The following DLG1 variants were observed in gnomAD, a reference collection of about 807,000 sequenced individuals.
The protein encoded by DLG1 is disks large homolog 1.
A neutral mutation model predicts 123.4 loss-of-function variants in DLG1; 42 were observed. That is an observed-to-expected ratio of 0.34 (90% CI 0.27 to 0.44). The LOEUF (loss-of-function observed/expected upper bound fraction) is 0.44, where lower values mean the gene tolerates loss of function less well. Among genes scored for constraint, DLG1 ranks in the 20% least tolerant of loss-of-function variants. The probability of loss-of-function intolerance (pLI) is 1.00; values close to 1 mark genes in which losing one functional copy is unlikely to be tolerated. For missense variants in DLG1, 942 were observed against 1,082.6 expected (o/e 0.87, Z 1.82); for synonymous variants, 317 against 356.2 (o/e 0.89, Z 1.24).
rs773807571 is a variant in DLG1 at position 197,119,516 on chromosome 3, C to T, written c.1180G>A (p.Val394Ile). The T allele has an allele frequency of 6.2e-7, 1 of 1,608,454 alleles. No individual in the cohort carries two copies. The highest frequency in any genetic ancestry group is 1.1e-5 in the South Asian group (1 of 90,516). Reference protein sequence around the residue: ...PDITNSSSQPVDNHVSPSSFL... With the variant: ...PDITNSSSQPIDNHVSPSSFL... ...GAAGATGGGCTAACATGGTTATCAA[C>T]AGGCTGAGAAGAAGCTTCAAAATAA... The change falls in exon 12 of 25, where the codon GTT (valine) becomes ATT (isoleucine). Residue 394 changes from valine to isoleucine, a missense_variant. Transcript: ENST00000667157.
At chr3:197,094,908 T>C (rs1759775895) in intron 14 of DLG1, among the ~76,000 whole-genome samples, 1 of 152,212 alleles carries the variant, frequency 6.6e-6, no homozygotes, top group Non-Finnish European at 1.5e-5. Flanking sequence ...GAATTCCAGA[T>C]ATTTTTTTCC....
chr3:197,114,585 C>G (rs558119440), intron 13 of DLG1, among the ~76,000 whole-genome samples: 8 of 152,338 alleles, frequency 5.3e-5, no homozygotes, highest in African/African-American at 1.7e-4. Context: ...AAATCAAGGG[C>G]TTGCACACTA....
At chr3:197,265,267 A>G (rs988306274) in intron 4 of DLG1, among the ~76,000 whole-genome samples, 3 of 152,256 alleles carry the variant, frequency 2.0e-5, no homozygotes, top group Non-Finnish European at 4.4e-5. Flanking sequence ...AAGATAATTA[A>G]CAGTATTTTA....
intron 23 of DLG1, among the ~76,000 whole-genome samples, 174 bp from the exon 24 acceptor site, chr3:197,051,842 T>A (rs1274251809): frequency 7.3e-6 from 1 of 136,816 alleles, no homozygotes; most frequent in Non-Finnish European, 1.6e-5. Flanking sequence ...AATTTTTTTT[T>A]TTTTTTTTTT....
At chr3:197,069,008 A>AC (rs57032552) in intron 19 of DLG1, among the ~76,000 whole-genome samples, 2 of 151,712 alleles carry the variant, frequency 1.3e-5, no homozygotes, top group African/African-American at 4.8e-5. Context: ...CACAAATAAT[A>AC]TTTTTATTTT....
intron 13 of DLG1, 58 bp downstream of exon 13, chr3:197,115,869 C>T: frequency 6.4e-7 from 1 of 1,551,506 alleles, no homozygotes; most frequent in Middle Eastern, 1.7e-4. Context: ...GAAGACCTTG[C>T]TTTAAAAATA....
At chr3:197,096,567 T>C (rs1320405421) in intron 14 of DLG1, among the ~76,000 whole-genome samples, 1 of 152,242 alleles carries the variant, frequency 6.6e-6, no homozygotes, top group East Asian at 1.9e-4. Flanking sequence ...TAGGACTAAA[T>C]TGATCAAGTT....
intron 4 of DLG1, among the ~76,000 whole-genome samples, chr3:197,273,518 G>A (rs1000433087): frequency 5.9e-5 from 9 of 152,202 alleles, no homozygotes; most frequent in Admixed American, 3.9e-4. Context: ...GATTACAGGC[G>A]TGAGCCACCG....
At chr3:197,274,107 TA>T (rs761422191) in intron 4 of DLG1, among the ~76,000 whole-genome samples, 3 of 152,112 alleles carry the variant, frequency 2.0e-5, no homozygotes, top group Non-Finnish European at 4.4e-5. Flanking sequence ...AAAACAAGCC[TA>T]AAATTCATAT....
chr3:197,064,281 C>T (rs961304246), intron 22 of DLG1, among the ~76,000 whole-genome samples: 2 of 151,182 alleles, frequency 1.3e-5, no homozygotes, highest in Non-Finnish European at 2.9e-5. Context: ...GCAACCTCCA[C>T]CTCCCAGGTA....
intron 14 of DLG1, among the ~76,000 whole-genome samples, chr3:197,102,576 A>G (rs1477221133): frequency 6.6e-6 from 1 of 152,178 alleles, no homozygotes; most frequent in Non-Finnish European, 1.5e-5. Context: ...ATGTGAGGCT[A>G]CTTTTAAATT....
At chr3:197,262,380 C>T (rs548341277) in intron 4 of DLG1, among the ~76,000 whole-genome samples, 1 of 152,276 alleles carries the variant, frequency 6.6e-6, no homozygotes, top group South Asian at 2.1e-4. Context: ...CACTTGGGAC[C>T]CTTCCAGACC....
intron 11 of DLG1, 100 bp downstream of exon 11, chr3:197,130,427 G>T: frequency 9.7e-7 from 1 of 1,026,210 alleles, no homozygotes; most frequent in Non-Finnish European, 1.3e-6. Context: ...AAAAATATTT[G>T]CATAATGTTT....
chr3:197,132,955 T>C (rs1579993712), intron 10 of DLG1, among the ~76,000 whole-genome samples: 3 of 123,914 alleles, frequency 2.4e-5, no homozygotes, highest in Admixed American at 7.9e-5. Flanking sequence ...ATAGCTGTGG[T>C]ATACTGCTGA....
chr3:197,118,874 C>G (rs1774734141), intron 12 of DLG1, among the ~76,000 whole-genome samples: 1 of 152,100 alleles, frequency 6.6e-6, no homozygotes, highest in Non-Finnish European at 1.5e-5. Context: ...CAAAGGGGAT[C>G]ACGCCTGTAA....
chr3:197,090,251 A>C (rs1044660279), intron 15 of DLG1, among the ~76,000 whole-genome samples: 2 of 152,100 alleles, frequency 1.3e-5, no homozygotes, highest in South Asian at 4.1e-4. Context: ...TACTAAAAGT[A>C]TACAGAATAC....
chr3:197,281,625 G>C (rs1769425869), intron 4 of DLG1, among the ~76,000 whole-genome samples: 1 of 152,108 alleles, frequency 6.6e-6, no homozygotes, highest in Non-Finnish European at 1.5e-5. Flanking sequence ...AGAAAATAAG[G>C]ATATACACAA....
At chr3:197,127,484 ATATATATATAT>A (rs1560878861) in intron 11 of DLG1, among the ~76,000 whole-genome samples, 3,651 of 96,262 alleles carry the variant, frequency 0.038, 171 homozygotes, top group African/African-American at 0.065. Flanking sequence ...ATATATATAT[ATATATATATAT>A]AAAGTAAGAA....
chr3:197,101,714 A>G (rs1193003571), intron 14 of DLG1, among the ~76,000 whole-genome samples: 3 of 152,136 alleles, frequency 2.0e-5, no homozygotes, highest in Non-Finnish European at 4.4e-5. Context: ...TATAGGAAGT[A>G]TGTGATAAAA....
Sources: allele counts gnomAD v4.1 joint callset (sites outside exome capture counted in the v4.1 genomes callset), GRCh38; gene constraint gnomAD v4.1.1; transcripts MANE v1.5; gene names NCBI Gene and HGNC (gene_info 2026-07-23, HGNC 2026-07-21).